The following CHODL variants were observed in gnomAD, a reference collection of about 807,000 sequenced individuals.
CHODL encodes chondrolectin.
CHODL carries 29 observed loss-of-function variants against 34.5 expected under a neutral mutation model. That is an observed-to-expected ratio of 0.84 (90% confidence interval 0.63 to 1.15). The LOEUF (loss-of-function observed/expected upper bound fraction) is 1.15. Among genes scored for constraint, CHODL ranks in the 50% most tolerant of loss-of-function variants. CHODL has a pLI of 0.00. For synonymous variants in CHODL, 125 were observed against 116.1 expected, an observed-to-expected ratio of 1.08 and a Z score of -0.49; for missense variants, 332 against 332.5, an observed-to-expected ratio of 1.00 and a Z score of 0.01.
intron 2 of CHODL, among the ~76,000 whole-genome samples, chr21:18,190,241 C>G (rs1403407181): frequency 6.6e-6 from 1 of 152,072 alleles, no homozygotes; most frequent in African/African-American, 2.4e-5. Flanking sequence ...CCTAGGTGTA[C>G]ACACAATCTT....
At chr21:18,043,589 T>C (rs1466147317) in intron 2 of CHODL, among the ~76,000 whole-genome samples, 1 of 151,902 alleles carries the variant, frequency 6.6e-6, no homozygotes, top group East Asian at 1.9e-4. Context: ...TAGAACGTGC[T>C]TAGGTTCCAG....
intron 1 of CHODL, among the ~76,000 whole-genome samples, chr21:17,964,262 A>G (rs575019739): frequency 2.7e-4 from 41 of 152,384 alleles, no homozygotes; most frequent in African/African-American, 9.6e-4. Flanking sequence ...AAAGCCATAA[A>G]ACTTATGTAA....
chr21:17,921,232 C>T lies in CHODL; in HGVS notation c.-145+3832C>T, dbSNP rs553034200. ...TGAAGGTAGTTTGCTGAAGAATTCCCTCTTGCTTGAGGAGGCTGGTCTTTT... is the reference window on the plus strand; with the variant it reads ...TGAAGGTAGTTTGCTGAAGAATTCCTTCTTGCTTGAGGAGGCTGGTCTTTT... On this transcript the variant is annotated intron_variant, in intron 1 of 6. Coordinates refer to the CHODL transcript ENST00000400127. Among the ~76,000 whole-genome samples the T allele has an allele frequency of 2.0e-4, 31 of 152,338 alleles. No homozygotes were observed. In the South Asian group the frequency reaches 6.4e-3, roughly 32 times the overall value.
chr21:18,131,194 CATCTT>C (rs1449016969), intron 2 of CHODL, among the ~76,000 whole-genome samples: 1 of 151,988 alleles, frequency 6.6e-6, no homozygotes. Flanking sequence ...TCTGGTGTCT[CATCTT>C]ATAAGTGCCT....
chr21:18,008,101 T>G (rs747767322), intron 1 of CHODL, among the ~76,000 whole-genome samples: 10 of 152,152 alleles, frequency 6.6e-5, no homozygotes, highest in Non-Finnish European at 1.5e-4. Context: ...TGAAAAACAT[T>G]TACTTTTTTT....
intron 2 of CHODL, among the ~76,000 whole-genome samples, chr21:18,055,673 G>T (rs1478490109): frequency 6.6e-6 from 1 of 152,062 alleles, no homozygotes; most frequent in Non-Finnish European, 1.5e-5. Context: ...TGGTCAGAGA[G>T]AGTGGGGCAT....
At chr21:18,260,844 CAACAAA>C (rs150607041) in intron 4 of CHODL, among the ~76,000 whole-genome samples, 25,532 of 151,510 alleles carry the variant, frequency 0.17, 2,685 homozygotes, top group African/African-American at 0.31. Flanking sequence ...ACAACAACAA[CAACAAA>C]AAAACACCAC....
At chr21:17,989,981 A>G (rs2063783973) in intron 1 of CHODL, among the ~76,000 whole-genome samples, 1 of 152,060 alleles carries the variant, frequency 6.6e-6, no homozygotes, top group African/African-American at 2.4e-5. Context: ...TAAATTTCAC[A>G]AGACCTTTGT....
At chr21:18,142,256 C>T (rs551321957) in intron 2 of CHODL, among the ~76,000 whole-genome samples, 1 of 152,064 alleles carries the variant, frequency 6.6e-6, no homozygotes, top group African/African-American at 2.4e-5. Flanking sequence ...TCAGCTCATT[C>T]ATGAGAAAAA....
chr21:18,034,333 C>T (rs1225813651), intron 2 of CHODL, among the ~76,000 whole-genome samples: 2 of 151,986 alleles, frequency 1.3e-5, no homozygotes, highest in African/African-American at 4.8e-5. Flanking sequence ...TTGATGTCGT[C>T]ATCTTGAATA....
At chr21:18,242,571 C>T (rs942620546), upstream of CHODL, among the ~76,000 whole-genome samples, 5 of 152,050 alleles carry the variant, frequency 3.3e-5, no homozygotes, top group South Asian at 2.1e-4. Context: ...TTTGAAGTGA[C>T]GGAGACACAA....
intron 2 of CHODL, among the ~76,000 whole-genome samples, chr21:18,075,916 T>C (rs1252201163): frequency 1.3e-5 from 2 of 152,270 alleles, no homozygotes; most frequent in Middle Eastern, 3.4e-3. Flanking sequence ...CTCTCCTCTT[T>C]TCTACCACCC....
At chr21:17,922,930 CAT>C in intron 1 of CHODL, among the ~76,000 whole-genome samples, 1 of 152,212 alleles carries the variant, frequency 6.6e-6, no homozygotes, top group East Asian at 1.9e-4. Context: ...CATCAGTCAA[CAT>C]ATGAAAGATG....
At chr21:18,200,953 C>G (rs1312271650) in intron 2 of CHODL, among the ~76,000 whole-genome samples, 3 of 152,006 alleles carry the variant, frequency 2.0e-5, no homozygotes, top group Non-Finnish European at 4.4e-5. Context: ...GGAATTATTC[C>G]CCAGAACCGT....
At chr21:18,191,155 AT>A (rs1457943052) in intron 2 of CHODL, among the ~76,000 whole-genome samples, 1 of 152,142 alleles carries the variant, frequency 6.6e-6, no homozygotes, top group East Asian at 1.9e-4. Flanking sequence ...GGCTTTATTA[AT>A]TTGTATTAAT....
rs73321525 is a variant in CHODL at position 17,918,233 on chromosome 21, C to T, written c.-145+833C>T. ...TATTTTATTTTTTACTGTTTACTTG[C>T]TCTCTGACCTTGGGTGAATTACCTA... On this transcript the variant is annotated intron_variant, in intron 1 of 6. Transcript: ENST00000400127. Among the ~76,000 whole-genome samples, 1,150 of 152,136 alleles carry T rather than the reference C, an allele frequency of 7.6e-3. 19 individuals are homozygous for T. The highest frequency in any genetic ancestry group is 0.026 in the African/African-American group (1,096 of 41,454).
At chr21:18,113,290 T>C (rs1205279187) in intron 2 of CHODL, among the ~76,000 whole-genome samples, 1 of 152,128 alleles carries the variant, frequency 6.6e-6, no homozygotes, top group Non-Finnish European at 1.5e-5. Context: ...AAGTGAATTC[T>C]TGCACACTGT....
intron 2 of CHODL, among the ~76,000 whole-genome samples, chr21:18,144,251 A>C (rs1263232554): frequency 6.6e-6 from 1 of 152,220 alleles, no homozygotes. Flanking sequence ...ATATTTGAAA[A>C]TTATTATATT....
At chr21:17,920,411 G>A (rs2063174299) in intron 1 of CHODL, among the ~76,000 whole-genome samples, 1 of 152,164 alleles carries the variant, frequency 6.6e-6, no homozygotes, top group Non-Finnish European at 1.5e-5. Flanking sequence ...CTTGTGCAGG[G>A]AAACTCTCAT....
Sources: gnomAD v4.1 joint callset for allele counts (sites outside exome capture counted in the v4.1 genomes callset) on GRCh38, gnomAD v4.1.1 for gene constraint, MANE v1.5 for transcripts, NCBI Gene and HGNC (gene_info 2026-07-23, HGNC 2026-07-21) for gene names.